Variants in DCTN6 observed in about 807,000 individuals in gnomAD.
The protein encoded by DCTN6 is dynactin 6.
A neutral mutation model predicts 25.8 loss-of-function variants in DCTN6; 15 were observed. The ratio of observed to expected loss-of-function variants is 0.58; its 90% CI spans 0.39 to 0.89. DCTN6 has a LOEUF of 0.89. DCTN6 is among the 40% of genes least tolerant of loss of function. The pLI, the probability that DCTN6 is intolerant of heterozygous loss-of-function variation, is 0.00. For synonymous variants in DCTN6, 64 were observed against 78.3 expected (o/e 0.82, Z 0.96); for missense variants, 198 against 237.6 (o/e 0.83, Z 1.09).
intron 2 of DCTN6, among the ~76,000 whole-genome samples, chr8:30,172,196 C>G (rs528104756): frequency 2.0e-5 from 3 of 152,074 alleles, no homozygotes; most frequent in African/African-American, 7.2e-5. Context: ...GTTGTGATGT[C>G]TAAATGCCAT....
chr8:30,183,180 T>A lies in DCTN6; in HGVS notation c.*7T>A. The A allele has an allele frequency of 6.2e-7, 1 of 1,609,132 alleles. No homozygotes were observed. Among genetic ancestry groups the A allele is most frequent in the Non-Finnish European group, 8.5e-7 (1 of 1,176,050 alleles). On this transcript the variant is annotated 3_prime_UTR_variant, in exon 7 of 7. Coordinates refer to ENST00000221114, the MANE Select transcript of DCTN6 (RefSeq NM_006571.4). ...AACTCCAGTAAAGAACTAAGAACAG[T>A]GTATAACATGAAGATAACATTTTGT...
chr8:30,158,366 C>T (rs1006406789), intron 1 of DCTN6, among the ~76,000 whole-genome samples: 2 of 151,412 alleles, frequency 1.3e-5, no homozygotes, highest in African/African-American at 4.9e-5. Flanking sequence ...CATATTTTAA[C>T]AAAAAAAACC....
rs757277107 is a variant in DCTN6 at position 30,156,378 on chromosome 8, C to T, written c.-6C>T. 6.2e-7 allele frequency: 1 copy of T among 1,605,588 alleles called. No homozygotes were observed. The highest frequency in any genetic ancestry group is 8.5e-7 in the Non-Finnish European group (1 of 1,176,106). ...TGTCGATCTACGTTCCAATTGGGGC[C>T]GTACCATGGCGGAGAAGACTCAAAA... On this transcript the variant is annotated 5_prime_UTR_variant, in exon 1 of 7. Transcript: ENST00000221114.
chr8:30,164,910 C>G (rs1407636392), intron 2 of DCTN6, among the ~76,000 whole-genome samples: 1 of 152,204 alleles, frequency 6.6e-6, no homozygotes, highest in African/African-American at 2.4e-5. Context: ...TTCCACACGA[C>G]CCTCCTCTGT....
intron 2 of DCTN6, among the ~76,000 whole-genome samples, chr8:30,165,264 C>A (rs1407799955): frequency 6.6e-6 from 1 of 152,098 alleles, no homozygotes. Context: ...ACATTTTACT[C>A]TGTTCTTTTA....
rs373810227 is a variant in DCTN6, at chr8:30,160,620, G to A, written c.24-3491G>A. On this transcript the variant is annotated intron_variant, in intron 1 of 6. Transcript: ENST00000221114. ...CCATGGATCCAACCAACCTCAGATC[G>A]AAAATAGGAAAAAAAAATTGTGTCT... Among the ~76,000 whole-genome samples the A allele has an allele frequency of 2.2e-4, 34 of 151,598 alleles. 1 individual carries two copies. The highest frequency in any genetic ancestry group is 7.3e-4 in the African/African-American group (30 of 41,370).
chr8:30,170,803 G>C (rs1285522204), intron 2 of DCTN6, among the ~76,000 whole-genome samples: 1 of 151,802 alleles, frequency 6.6e-6, no homozygotes, highest in African/African-American at 2.4e-5. Flanking sequence ...ATAATGCCCG[G>C]CTAATTTTTG....
intron 2 of DCTN6, among the ~76,000 whole-genome samples, chr8:30,168,393 C>T (rs1209638348): frequency 6.6e-6 from 1 of 152,154 alleles, no homozygotes; most frequent in African/African-American, 2.4e-5. Flanking sequence ...GATTAAAAAG[C>T]TCCTGGGAGA....
chr8:30,167,229 G>C (rs1166104962), intron 2 of DCTN6, among the ~76,000 whole-genome samples: 3 of 152,120 alleles, frequency 2.0e-5, no homozygotes, highest in Non-Finnish European at 4.4e-5. Flanking sequence ...CTACTTGAGA[G>C]GGCTCAGTGA....
intron 2 of DCTN6, among the ~76,000 whole-genome samples, 170 bp from the exon 3 acceptor site, chr8:30,174,915 T>C (rs1803810974): frequency 6.6e-6 from 1 of 152,186 alleles, no homozygotes; most frequent in Admixed American, 6.6e-5. Context: ...TGGCCCTGAC[T>C]ACTGATGATA....
At position 30,180,564 on chromosome 8, in the gene DCTN6, C is replaced by T; in HGVS notation, c.408C>T (p.Val136=). 1 of 1,614,062 alleles carries T rather than the reference C, an allele frequency of 6.2e-7. No homozygotes were observed. The highest frequency in any genetic ancestry group is 8.5e-7 in the Non-Finnish European group (1 of 1,180,000). The change falls in exon 6 of 7, where the codon GTC becomes GTT. Residue 136 remains valine (V), a synonymous_variant. Coordinates refer to ENST00000221114, the MANE Select transcript of DCTN6 (RefSeq NM_006571.4). ...GTTGCAACCTAAATACATTTGAAGT[C>T]ATCCCTGAGAATACGGTGATCTATG... ...GACCNLNTFE[V]IPENTVIYGA...
intron 2 of DCTN6, among the ~76,000 whole-genome samples, chr8:30,166,923 CAGAA>C (rs1803683897): frequency 1.4e-5 from 2 of 147,462 alleles, no homozygotes; most frequent in Non-Finnish European, 3.0e-5. Flanking sequence ...ATAGTGGGAC[CAGAA>C]AGAAAGACAA....
intron 2 of DCTN6, among the ~76,000 whole-genome samples, chr8:30,170,271 G>T (rs1563229879): frequency 6.6e-6 from 1 of 151,838 alleles, no homozygotes; most frequent in African/African-American, 2.4e-5. Context: ...AAAAAGACCC[G>T]CAAGAAGTTG....
At chr8:30,166,517 C>A (rs1803678193) in intron 2 of DCTN6, among the ~76,000 whole-genome samples, 4 of 152,018 alleles carry the variant, frequency 2.6e-5, no homozygotes, top group Admixed American at 2.6e-4. Context: ...AGTATAGATA[C>A]ATCTGCAGGC....
chr8:30,162,795 A>G (rs1401829529), intron 1 of DCTN6, among the ~76,000 whole-genome samples: 2 of 151,944 alleles, frequency 1.3e-5, no homozygotes, highest in Admixed American at 6.6e-5. Flanking sequence ...ATGTGTATGT[A>G]TATATATATA....
chr8:30,160,374 C>T (rs1266039459), intron 1 of DCTN6, among the ~76,000 whole-genome samples: 1 of 152,202 alleles, frequency 6.6e-6, no homozygotes, highest in African/African-American at 2.4e-5. Flanking sequence ...TGAAGAAGGA[C>T]GTGTTTGCTT....
At position 30,162,175 on chromosome 8, in the gene DCTN6, C is replaced by T. The variant is rs571550855; in HGVS notation, c.24-1936C>T. Among the ~76,000 whole-genome samples, 67 of 152,218 alleles carry T rather than the reference C, an allele frequency of 4.4e-4. No homozygotes were observed. In the South Asian group the frequency reaches 0.01, roughly 24 times the overall value. On this transcript the variant is annotated intron_variant, in intron 1 of 6. Coordinates refer to ENST00000221114, the MANE Select transcript of DCTN6 (RefSeq NM_006571.4). ...CGCTACCTCGGCTCACTGCAAGCTC[C>T]GCCTCCTGGGTTCATGCCATTCTCC...
intron 3 of DCTN6, 154 bp from the exon 4 acceptor site, chr8:30,176,972 C>G (rs1045243438): frequency 1.4e-5 from 8 of 570,056 alleles, no homozygotes; most frequent in Middle Eastern, 4.3e-4. Context: ...GATTCCATAT[C>G]AAAAAAGAAA....
At chr8:30,159,062 G>A (rs921248662) in intron 1 of DCTN6, among the ~76,000 whole-genome samples, 4 of 152,102 alleles carry the variant, frequency 2.6e-5, no homozygotes, top group Admixed American at 1.3e-4. Flanking sequence ...GATTACAGGC[G>A]TGAGCCACTG....
Sources: allele counts gnomAD v4.1 joint callset (sites outside exome capture counted in the v4.1 genomes callset), GRCh38; gene constraint gnomAD v4.1.1; transcripts MANE v1.5; gene names NCBI Gene and HGNC (gene_info 2026-07-23, HGNC 2026-07-21).